Variants in GALNT17 observed in about 807,000 individuals in gnomAD.
GALNT17 encodes polypeptide N-acetylgalactosaminyltransferase 17.
A neutral mutation model predicts 63.7 loss-of-function variants in GALNT17; 29 were observed. The observed-to-expected ratio is 0.46, with a 90% confidence interval of 0.34 to 0.62. GALNT17 has a LOEUF of 0.62. Ranked by LOEUF, GALNT17 falls within the 20% of genes least tolerant of loss-of-function variation. The pLI is 0.01. For synonymous variants in GALNT17, 305 were observed against 318.3 expected, an observed-to-expected ratio of 0.96 and a Z score of 0.45; for missense variants, 603 against 799.6, an observed-to-expected ratio of 0.75 and a Z score of 2.97.
chr7:71,526,370 A>G (rs976531481), intron 5 of GALNT17, among the ~76,000 whole-genome samples: 3 of 151,848 alleles, frequency 2.0e-5, no homozygotes, highest in Non-Finnish European at 4.4e-5. Context: ...GCAAAATCAG[A>G]CAAGACTTCT....
At chr7:71,702,711 G>T (rs1791670075) in intron 9 of GALNT17, among the ~76,000 whole-genome samples, 1 of 152,204 alleles carries the variant, frequency 6.6e-6, no homozygotes, top group Admixed American at 6.5e-5. Flanking sequence ...CAGTTAGGAG[G>T]CCATTGCACT....
intron 2 of GALNT17, among the ~76,000 whole-genome samples, chr7:71,361,966 T>C (rs1792410243): frequency 6.6e-6 from 1 of 152,214 alleles, no homozygotes; most frequent in Non-Finnish European, 1.5e-5. Flanking sequence ...CTTTTTATTT[T>C]TATTTTTTGA....
intron 6 of GALNT17, among the ~76,000 whole-genome samples, chr7:71,582,011 G>T (rs142126753): frequency 1.3e-5 from 2 of 152,068 alleles, no homozygotes; most frequent in African/African-American, 4.8e-5. Context: ...TGGTTTGAGC[G>T]TGTGAGTTAC....
chr7:71,207,393 GC>G (rs1456147139), intron 1 of GALNT17, among the ~76,000 whole-genome samples: 1 of 152,016 alleles, frequency 6.6e-6, no homozygotes, highest in African/African-American at 2.4e-5. Flanking sequence ...TCTCCTTTCT[GC>G]CCCCATGTCC....
intron 1 of GALNT17, among the ~76,000 whole-genome samples, chr7:71,330,203 A>G (rs955520266): frequency 2.6e-5 from 4 of 151,852 alleles, no homozygotes; most frequent in Non-Finnish European, 4.4e-5. Flanking sequence ...AGTAGAGACA[A>G]GGTTTCACCA....
rs563157565 is a variant in GALNT17, at chr7:71,311,499, T to C, written c.239-24051T>C. Among the ~76,000 whole-genome samples the C allele has an allele frequency of 2.0e-5, 3 of 152,274 alleles. No homozygotes were observed. The South Asian group carries it at 6.2e-4, about 32-fold the overall frequency. On this transcript the variant is annotated intron_variant, in intron 1 of 10. Coordinates refer to ENST00000333538, the MANE Select transcript of GALNT17 (RefSeq NM_022479.3). ...AATAAAAAATAAATTAATGGGGCAT[T>C]GTGGTGCCCAAATTCAGGAAGAATT...
At chr7:71,587,626 C>G (rs1789739063) in intron 6 of GALNT17, among the ~76,000 whole-genome samples, 1 of 151,942 alleles carries the variant, frequency 6.6e-6, no homozygotes, top group Admixed American at 6.6e-5. Flanking sequence ...ATCTTTCACA[C>G]TTAGGTCTAT....
At chr7:71,650,925 C>A (rs56933164) in intron 6 of GALNT17, among the ~76,000 whole-genome samples, 1,661 of 152,234 alleles carry the variant, frequency 0.011, 38 homozygotes, top group African/African-American at 0.038. Flanking sequence ...TATCTTTATA[C>A]CCCTGGCAGC....
At chr7:71,341,738 G>A (rs1384401366) in intron 2 of GALNT17, among the ~76,000 whole-genome samples, 1 of 152,166 alleles carries the variant, frequency 6.6e-6, no homozygotes, top group Admixed American at 6.5e-5. Flanking sequence ...AAAAATGTAG[G>A]CTCTTAACAA....
chr7:71,326,383 CAGT>C lies in GALNT17; in HGVS notation c.239-9164_239-9162del, dbSNP rs372861252. On this transcript the variant is annotated intron_variant, in intron 1 of 10. Coordinates refer to ENST00000333538, the MANE Select transcript of GALNT17 (RefSeq NM_022479.3). Reference sequence around the variant, plus strand: ...TGAAAAAAGGAAGATCCCTCGAGCCCAGTAGCTCAAGGCTGCAGTGAGGTAAGA... The same window carrying C: ...TGAAAAAAGGAAGATCCCTCGAGCCCAGCTCAAGGCTGCAGTGAGGTAAGA... Among the ~76,000 whole-genome samples, 796 of 152,220 alleles carry C rather than the reference CAGT, an allele frequency of 5.2e-3. 6 individuals carry two copies. Among genetic ancestry groups the C allele is most frequent in the African/African-American group, 0.018 (755 of 41,542 alleles).
intron 9 of GALNT17, among the ~76,000 whole-genome samples, chr7:71,684,295 T>G (rs1269406605): frequency 1.3e-5 from 2 of 152,136 alleles, no homozygotes; most frequent in Non-Finnish European, 1.5e-5. Context: ...AGCCACAGCT[T>G]CTGATTTCTC....
At chr7:71,455,150 G>T (rs1188411977) in intron 5 of GALNT17, among the ~76,000 whole-genome samples, 1 of 150,702 alleles carries the variant, frequency 6.6e-6, no homozygotes. Flanking sequence ...CTGGGCAGCA[G>T]AGCAAAATCT....
intron 5 of GALNT17, among the ~76,000 whole-genome samples, chr7:71,468,913 T>C (rs1583980697): frequency 6.6e-6 from 1 of 152,290 alleles, no homozygotes; most frequent in Middle Eastern, 3.4e-3. Context: ...AGGGTCATGA[T>C]CATAAATCCC....
chr7:71,489,690 A>T (rs1210332271), intron 5 of GALNT17, among the ~76,000 whole-genome samples: 2 of 152,310 alleles, frequency 1.3e-5, no homozygotes, highest in South Asian at 4.1e-4. Flanking sequence ...CAGGGGAGAG[A>T]GTCCATTGGC....
At chr7:71,506,972 C>T (rs1425688467) in intron 5 of GALNT17, among the ~76,000 whole-genome samples, 2 of 152,258 alleles carry the variant, frequency 1.3e-5, no homozygotes, top group Non-Finnish European at 2.9e-5. Flanking sequence ...CAGAGGCTCA[C>T]GCCTATAATC....
In GALNT17 at chr7:71,210,877, C is replaced by T. The variant is rs998205628; in HGVS notation, c.238+77837C>T. ...AGTACATTGTCAACAGACATGAGCTCTTATTGTCACTATTTTTTAAGAGTC... is the reference window on the plus strand; with the variant it reads ...AGTACATTGTCAACAGACATGAGCTTTTATTGTCACTATTTTTTAAGAGTC... On this transcript the variant is annotated intron_variant, in intron 1 of 10. Coordinates refer to ENST00000333538, the MANE Select transcript of GALNT17 (RefSeq NM_022479.3). Among the ~76,000 whole-genome samples, 25 of 152,276 alleles carry T rather than the reference C, an allele frequency of 1.6e-4. No homozygotes were observed. In the South Asian group the frequency reaches 2.9e-3, roughly 18 times the overall value.
intron 5 of GALNT17, among the ~76,000 whole-genome samples, chr7:71,469,616 A>G (rs1421556644): frequency 6.6e-6 from 1 of 152,196 alleles, no homozygotes; most frequent in East Asian, 1.9e-4. Flanking sequence ...CATGGTTGGA[A>G]CACTTGACCA....
intron 1 of GALNT17, among the ~76,000 whole-genome samples, chr7:71,259,477 G>T (rs766592302): frequency 6.6e-6 from 1 of 152,036 alleles, no homozygotes; most frequent in Admixed American, 6.6e-5. Flanking sequence ...AGGGTTTTAC[G>T]GGCACTTGGA....
intron 5 of GALNT17, among the ~76,000 whole-genome samples, chr7:71,500,501 C>T (rs1206610401): frequency 6.6e-6 from 1 of 152,148 alleles, no homozygotes; most frequent in Non-Finnish European, 1.5e-5. Context: ...TCAACTTCCT[C>T]CTCTCTGTTG....
Sources: gnomAD v4.1 joint callset for allele counts (sites outside exome capture counted in the v4.1 genomes callset) on GRCh38, gnomAD v4.1.1 for gene constraint, MANE v1.5 for transcripts, NCBI Gene and HGNC (gene_info 2026-07-23, HGNC 2026-07-21) for gene names.